Variants in MYO1F observed in about 807,000 individuals in gnomAD.
The protein encoded by MYO1F is unconventional myosin-If.
MYO1F carries 60 observed loss-of-function variants against 146.6 expected under a neutral mutation model. The observed-to-expected ratio is 0.41, with a 90% CI of 0.33 to 0.51. The LOEUF (loss-of-function observed/expected upper bound fraction) is 0.51, where lower values mean the gene tolerates loss of function less well. MYO1F is among the 20% of genes least tolerant of loss of function. The pLI is 0.25. For synonymous variants in MYO1F, 602 were observed against 602.1 expected, an observed-to-expected ratio of 1.00 and a Z score of 0.00; for missense variants, 1,274 against 1,534.3, an observed-to-expected ratio of 0.83 and a Z score of 2.83.
At chr19:8,576,153 C>T (rs986084672) in intron 1 of MYO1F, among the ~76,000 whole-genome samples, 3 of 152,164 alleles carry the variant, frequency 2.0e-5, no homozygotes, top group Non-Finnish European at 4.4e-5. Flanking sequence ...TGTGCCACCA[C>T]GCCCAGTTAA....
chr19:8,545,638 C>T lies in MYO1F; in HGVS notation c.1356+12G>A, dbSNP rs373752244. The stretch of plus-strand genomic sequence containing the variant: ...AGTGAGACGCCCCCGCCAAAGTTGA[C>T]CCAGCCCTCACCAGCTTGTTTTCGA... On this transcript the variant is annotated intron_variant, in intron 13 of 27. Transcript: ENST00000644032. 182 of 1,612,448 alleles carry T rather than the reference C, an allele frequency of 1.1e-4. No homozygotes were observed. The highest frequency in any genetic ancestry group is 1.5e-4 in the Non-Finnish European group (176 of 1,178,620).
chr19:8,544,564 T>A (rs1477006434), intron 13 of MYO1F, 100 bp from the exon 14 acceptor site: 3 of 857,496 alleles, frequency 3.5e-6, no homozygotes, highest in East Asian at 4.4e-5. Flanking sequence ...GGTGGAGGAG[T>A]GGAGGGAGCT....
intron 12 of MYO1F, 102 bp from the exon 13 acceptor site, chr19:8,545,838 C>T: frequency 1.2e-6 from 1 of 863,550 alleles, no homozygotes; most frequent in Non-Finnish European, 2.0e-6. Flanking sequence ...TTAGGACTGT[C>T]TCTGGTAACA....
rs1476433392 is a variant in MYO1F at position 8,521,260 on chromosome 19, G to T, written c.*268C>A. ...TTCTTAATCACATGGCAGTTGGGAG[G>T]TAGATTCTGCTGTTAGTCCCCTTTG... On this transcript the variant is annotated 3_prime_UTR_variant, in exon 28 of 28. Transcript: ENST00000644032. The T allele has an allele frequency of 1.9e-6, 1 of 520,344 alleles. No homozygotes were observed. Among genetic ancestry groups the T allele is most frequent in the Middle Eastern group, 5.3e-4 (1 of 1,904 alleles). The allele number at this position is 520,344 out of a possible 1,614,324, so 32.2% of individuals were successfully genotyped here.
chr19:8,529,830 G>T, intron 21 of MYO1F: 2 of 416,018 alleles, frequency 4.8e-6, no homozygotes, highest in East Asian at 5.4e-5. Flanking sequence ...TGTCTGTGCC[G>T]GGTAATGATG....
Position 8,526,712 on chromosome 19 carries a change from G to C in MYO1F, c.2621+77C>G, listed in dbSNP as rs542154853. On this transcript the variant is annotated intron_variant, in intron 23 of 27. Coordinates refer to ENST00000644032, the MANE Select transcript of MYO1F (RefSeq NM_012335.4). ...GCGGCCGGGGCCGAAGCGCAGTTCG[G>C]CCGGGTCGGTGGGGCGGGAGAGGGT... 1.2e-5 allele frequency: 18 copies of C among 1,535,274 alleles called. 1 individual carries two copies. Among genetic ancestry groups the C allele is most frequent in the Middle Eastern group, 2.2e-4 (1 of 4,446 alleles).
intron 14 of MYO1F, 122 bp downstream of exon 14, chr19:8,544,175 C>T (rs1973231091): frequency 1.9e-6 from 2 of 1,064,180 alleles, no homozygotes; most frequent in East Asian, 2.4e-5. Flanking sequence ...TGGAATTCTA[C>T]AGCCCTGGAT....
intron 1 of MYO1F, among the ~76,000 whole-genome samples, chr19:8,566,473 A>G (rs1161395386): frequency 2.1e-5 from 3 of 141,706 alleles, no homozygotes; most frequent in African/African-American, 7.8e-5. Flanking sequence ...GGCCTGGTCT[A>G]TGCTTTTTAA....
At chr19:8,570,675 ATT>A (rs782049069) in intron 1 of MYO1F, among the ~76,000 whole-genome samples, 1 of 143,458 alleles carries the variant, frequency 7.0e-6, no homozygotes, top group Non-Finnish European at 1.5e-5. Flanking sequence ...ACCCAACCAC[ATT>A]TTTTTTTTTT....
intron 24 of MYO1F, 24 bp downstream of exon 24, chr19:8,526,429 T>G (rs781696276): frequency 2.5e-5 from 39 of 1,550,262 alleles, no homozygotes; most frequent in Non-Finnish European, 3.2e-5. Context: ...CCGCCCCCTC[T>G]GCCCTAGTTC....
In MYO1F at chr19:8,548,060, G is replaced by C; in HGVS notation, c.1245C>G (p.Ile415Met). ...FVNEKLQQIF[I>M]ELTLKAEQEE... ...CCTGCTCGGCCTTCAGGGTAAGTTCGATAAAGATTTGCTGCAGCTTCTCAT... is the reference window on the plus strand; with the variant it reads ...CCTGCTCGGCCTTCAGGGTAAGTTCCATAAAGATTTGCTGCAGCTTCTCAT... The change falls in exon 12 of 28, where the codon ATC becomes ATG. Residue 415 changes from isoleucine to methionine, a missense_variant. Physicochemically the swap from Ile to Met is conservative, Grantham distance 10. Transcript: ENST00000644032. 2 of 1,612,676 alleles carry C rather than the reference G, an allele frequency of 1.2e-6. No individual in the cohort carries two copies. The highest frequency in any genetic ancestry group is 1.7e-6 in the Non-Finnish European group (2 of 1,179,780).
intron 8 of MYO1F, chr19:8,551,503 C>T: frequency 1.9e-6 from 1 of 533,866 alleles, no homozygotes; most frequent in Non-Finnish European, 3.4e-6. Flanking sequence ...AGTCACACGC[C>T]ACCACATCTG....
chr19:8,550,208 A>G lies in MYO1F; in HGVS notation c.1053T>C (p.Asp351=). The change falls in exon 10 of 28, where the codon GAT becomes GAC. Residue 351 remains aspartate, a synonymous_variant. Coordinates refer to ENST00000644032, the MANE Select transcript of MYO1F (RefSeq NM_012335.4). The part of the protein sequence containing the change: ...LNVEQAAYTR[D]ALAKGLYARL... Reference sequence around the variant, plus strand: ...GGGCATAGAGCCCCTTGGCCAGGGCATCACGGGTGTAGGCTGCCTGCTCCA... The same window carrying G: ...GGGCATAGAGCCCCTTGGCCAGGGCGTCACGGGTGTAGGCTGCCTGCTCCA... 6.2e-7 allele frequency: 1 copy of G among 1,614,178 alleles called. No individual in the cohort carries two copies. Among genetic ancestry groups the G allele is most frequent in the Non-Finnish European group, 8.5e-7 (1 of 1,180,038 alleles).
rs1599933715 is a variant in MYO1F, at chr19:8,536,107, C to T, written c.2043+145G>A. ...TCAGTTTCTCTGTCAATCCCTCTCTCTCAATCTGTTTCTCAATTTCTCAAT... is the reference window on the plus strand; with the variant it reads ...TCAGTTTCTCTGTCAATCCCTCTCTTTCAATCTGTTTCTCAATTTCTCAAT... On this transcript the variant is annotated intron_variant, in intron 19 of 27. Coordinates refer to ENST00000644032, the MANE Select transcript of MYO1F (RefSeq NM_012335.4). 7 of 1,084,990 alleles carry T rather than the reference C, an allele frequency of 6.5e-6. No individual in the cohort carries two copies. The East Asian group carries it at 1.5e-4, about 24-fold the overall frequency. The allele number at this position is 1,084,990 out of a possible 1,614,324, so 67.2% of individuals were successfully genotyped here.
intron 23 of MYO1F, 81 bp from the exon 24 acceptor site, chr19:8,526,682 GGGCCGC>G (rs201226019): frequency 2.6e-6 from 4 of 1,540,118 alleles, no homozygotes; most frequent in South Asian, 1.2e-5. Flanking sequence ...GGCAGGGGCG[GGGCCGC>G]GGCCGGGGCC....
chr19:8,524,582 C>CAAAAAAAAA (rs35275313), intron 25 of MYO1F, among the ~76,000 whole-genome samples: 1 of 132,076 alleles, frequency 7.6e-6, no homozygotes, highest in Non-Finnish European at 1.6e-5. Context: ...GAGACTGTCT[C>CAAAAAAAAA]AAAAAAAAAA....
At position 8,555,704 on chromosome 19, in the gene MYO1F, G is replaced by A. The variant is rs768940948; in HGVS notation, c.96C>T (p.Ala32=). The change falls in exon 2 of 28, where the codon GCC becomes GCT. Residue 32 remains alanine, a synonymous_variant. Transcript: ENST00000644032. The stretch of plus-strand genomic sequence containing the variant: ...AGCGCTTCCGGAGGTTGGCGGCAAT[G>A]GCGTCTTCGGTGATCTGGGGAAGAA... The part of the protein sequence containing the change: ...MVLLPQITED[A]IAANLRKRFM... 52 of 1,614,046 alleles carry A rather than the reference G, an allele frequency of 3.2e-5. No individual in the cohort carries two copies. In the East Asian group the frequency reaches 1.1e-3, roughly 35 times the overall value.
At chr19:8,528,582 CAAAA>C (rs958270907) in intron 21 of MYO1F, among the ~76,000 whole-genome samples, 1 of 149,484 alleles carries the variant, frequency 6.7e-6, no homozygotes, top group Non-Finnish European at 1.5e-5. Context: ...AAAAGAAAAA[CAAAA>C]AAGAAACGAG....
intron 1 of MYO1F, among the ~76,000 whole-genome samples, chr19:8,574,579 C>CTTTCTTTCTT (rs782195626): frequency 1.9e-3 from 171 of 88,648 alleles, no homozygotes; most frequent in Middle Eastern, 0.01. Context: ...TTCTTTCTTT[C>CTTTCTTTCTT]TCTCTCTCTC....
Sources: gnomAD v4.1 joint callset for allele counts (sites outside exome capture counted in the v4.1 genomes callset) on GRCh38, gnomAD v4.1.1 for gene constraint, MANE v1.5 for transcripts, NCBI Gene and HGNC (gene_info 2026-07-23, HGNC 2026-07-21) for gene names.